The following CNTNAP2 variants were observed in gnomAD, a reference collection of about 807,000 sequenced individuals.
The protein encoded by CNTNAP2 is contactin associated protein 2.
A neutral mutation model predicts 155.2 loss-of-function variants in CNTNAP2; 98 were observed. That is an observed-to-expected ratio of 0.63 (90% CI 0.54 to 0.75). The LOEUF (loss-of-function observed/expected upper bound fraction) is 0.75, where lower values mean the gene tolerates loss of function less well. CNTNAP2 is among the 30% of genes least tolerant of loss of function. CNTNAP2 has a pLI of 0.00. For synonymous variants in CNTNAP2, 651 were observed against 631.2 expected (o/e 1.03, Z -0.47); for missense variants, 1,727 against 1,688.1 (o/e 1.02, Z -0.40).
chr7:147,103,710 A>G (rs996609907), intron 4 of CNTNAP2, among the ~76,000 whole-genome samples: 2 of 151,906 alleles, frequency 1.3e-5, no homozygotes, highest in Non-Finnish European at 2.9e-5. Context: ...CTAAAAATCT[A>G]TATAATTTTT....
chr7:146,535,558 T>A (rs1797855990), intron 1 of CNTNAP2, among the ~76,000 whole-genome samples: 1 of 149,588 alleles, frequency 6.7e-6, no homozygotes, highest in African/African-American at 2.5e-5. Flanking sequence ...TAATTCGTAT[T>A]TTTTAAATTA....
intron 18 of CNTNAP2, among the ~76,000 whole-genome samples, chr7:148,205,220 T>C (rs1442237428): frequency 2.6e-5 from 4 of 152,228 alleles, no homozygotes; most frequent in African/African-American, 7.2e-5. Flanking sequence ...GCAGTCTAAG[T>C]ACAGAGCTCA....
chr7:147,029,001 T>C (rs552245330), intron 3 of CNTNAP2, among the ~76,000 whole-genome samples: 11 of 147,214 alleles, frequency 7.5e-5, no homozygotes, highest in African/African-American at 2.8e-4. Flanking sequence ...TCTCGCTCTG[T>C]CGCCCAGGCT....
In CNTNAP2 at chr7:147,880,112, G is replaced by A. The variant is rs79321054; in HGVS notation, c.2099-23453G>A. Among the ~76,000 whole-genome samples, 65 of 152,326 alleles carry A rather than the reference G, an allele frequency of 4.3e-4. 1 individual carries two copies. The East Asian group carries it at 5.6e-3, about 13-fold the overall frequency. On this transcript the variant is annotated intron_variant, in intron 13 of 23. Coordinates refer to ENST00000361727, the MANE Select transcript of CNTNAP2 (RefSeq NM_014141.6). ...GGTCCTCTCAGCTGCAAAGCAGATG[G>A]ATTTCTTTGAGAAGTGGTCAGAATT...
At chr7:148,113,515 A>G (rs1804401201) in intron 15 of CNTNAP2, among the ~76,000 whole-genome samples, 1 of 152,224 alleles carries the variant, frequency 6.6e-6, no homozygotes, top group Non-Finnish European at 1.5e-5. Context: ...TTTAAACCAT[A>G]TCCAATACCA....
chr7:146,418,683 G>T (rs1377705284), intron 1 of CNTNAP2, among the ~76,000 whole-genome samples: 3 of 151,978 alleles, frequency 2.0e-5, no homozygotes, highest in Non-Finnish European at 4.4e-5. Context: ...GTAACCCCAG[G>T]AAACCAATGT....
At position 146,492,850 on chromosome 7, in the gene CNTNAP2, A is replaced by G. The variant is rs181456489; in HGVS notation, c.98-281421A>G. ...TGGCAAAAGCAGCTAAAATCTACTCATTTAACAAAAATCCTGAATGCAATA... is the reference window on the plus strand; with the variant it reads ...TGGCAAAAGCAGCTAAAATCTACTCGTTTAACAAAAATCCTGAATGCAATA... On this transcript the variant is annotated intron_variant, in intron 1 of 23. Transcript: ENST00000361727. Among the ~76,000 whole-genome samples, 5 of 152,320 alleles carry G rather than the reference A, an allele frequency of 3.3e-5. No individual in the cohort carries two copies. In the East Asian group the frequency reaches 9.6e-4, roughly 29 times the overall value.
chr7:148,076,884 T>A (rs1174494159), intron 15 of CNTNAP2, among the ~76,000 whole-genome samples: 1 of 152,218 alleles, frequency 6.6e-6, no homozygotes, highest in Non-Finnish European at 1.5e-5. Flanking sequence ...CAAGGTTTCT[T>A]GGCATTCATC....
At chr7:147,972,101 T>A (rs1358254902) in intron 14 of CNTNAP2, among the ~76,000 whole-genome samples, 1 of 152,232 alleles carries the variant, frequency 6.6e-6, no homozygotes, top group African/African-American at 2.4e-5. Context: ...GCCTAAGGAA[T>A]GATAGTATTA....
chr7:146,150,844 A>G (rs1212913518), intron 1 of CNTNAP2, among the ~76,000 whole-genome samples: 1 of 152,124 alleles, frequency 6.6e-6, no homozygotes, highest in Non-Finnish European at 1.5e-5. Context: ...TGTAATGAGA[A>G]TATTTAAGAT....
intron 2 of CNTNAP2, among the ~76,000 whole-genome samples, chr7:146,784,689 C>A (rs1403589529): frequency 6.6e-6 from 1 of 152,154 alleles, no homozygotes; most frequent in Non-Finnish European, 1.5e-5. Flanking sequence ...TGAGTGGACA[C>A]TCTCTAGGAC....
At chr7:147,888,239 A>G (rs1482368042) in intron 13 of CNTNAP2, among the ~76,000 whole-genome samples, 1 of 152,208 alleles carries the variant, frequency 6.6e-6, no homozygotes, top group African/African-American at 2.4e-5. Flanking sequence ...TGGATATACT[A>G]TTAAAAATAA....
chr7:148,132,599 T>C, intron 16 of CNTNAP2, among the ~76,000 whole-genome samples: 1 of 152,252 alleles, frequency 6.6e-6, no homozygotes, highest in East Asian at 1.9e-4. Context: ...ATCTGGGTCC[T>C]GGCTTCTGGA....
chr7:146,513,780 G>A (rs1056111072), intron 1 of CNTNAP2, among the ~76,000 whole-genome samples: 6 of 151,916 alleles, frequency 3.9e-5, no homozygotes, highest in African/African-American at 1.2e-4. Flanking sequence ...TTATCTGTGA[G>A]TCTATACATT....
chr7:147,579,281 G>A (rs1800453434), intron 12 of CNTNAP2, among the ~76,000 whole-genome samples: 2 of 152,032 alleles, frequency 1.3e-5, no homozygotes, highest in South Asian at 4.1e-4. Flanking sequence ...ACAGTTTTTA[G>A]AATTTTAATG....
chr7:146,151,683 TATATATATATA>T (rs1798051265), intron 1 of CNTNAP2, among the ~76,000 whole-genome samples: 1 of 14,202 alleles, frequency 7.0e-5, no homozygotes, highest in East Asian at 1.2e-3. Flanking sequence ...TATATATATG[TATATATATATA>T]TATGTATATA....
chr7:147,970,037 C>T (rs1046193152), intron 14 of CNTNAP2, among the ~76,000 whole-genome samples: 4 of 151,892 alleles, frequency 2.6e-5, no homozygotes, highest in Admixed American at 2.6e-4. Flanking sequence ...TCAAGCAATC[C>T]TCCCACCTCA....
intron 3 of CNTNAP2, among the ~76,000 whole-genome samples, chr7:146,859,675 A>T (rs991880976): frequency 3.9e-5 from 6 of 151,974 alleles, no homozygotes; most frequent in Admixed American, 2.0e-4. Context: ...AAAAAAATAT[A>T]TATAATCCTA....
At chr7:146,615,084 A>C (rs1374607252) in intron 1 of CNTNAP2, among the ~76,000 whole-genome samples, 1 of 152,248 alleles carries the variant, frequency 6.6e-6, no homozygotes, top group African/African-American at 2.4e-5. Flanking sequence ...GGAAATGACC[A>C]ACAAAAGTTG....
Sources: allele counts gnomAD v4.1 joint callset (sites outside exome capture counted in the v4.1 genomes callset), GRCh38; gene constraint gnomAD v4.1.1; transcripts MANE v1.5; gene names NCBI Gene and HGNC (gene_info 2026-07-23, HGNC 2026-07-21).